EXOC2: variants seen among roughly 807,000 people sequenced by gnomAD.
The protein encoded by EXOC2 is SEC5-like 1.
EXOC2 carries 70 observed loss-of-function variants against 131.8 expected under a neutral mutation model. The observed-to-expected ratio is 0.53, with a 90% CI of 0.44 to 0.65. The LOEUF (loss-of-function observed/expected upper bound fraction) is 0.65. Ranked by LOEUF, EXOC2 falls within the 30% of genes least tolerant of loss-of-function variation. EXOC2 has a pLI of 0.00. For synonymous variants in EXOC2, 411 were observed against 398.4 expected (o/e 1.03, Z -0.38); for missense variants, 923 against 1,108.6 (o/e 0.83, Z 2.38).
chr6:501,129 T>C lies in EXOC2; in HGVS notation c.2381-1429A>G, dbSNP rs1280573553. Among the ~76,000 whole-genome samples the C allele has an allele frequency of 1.7e-4, 7 of 41,626 alleles. No homozygotes were observed. The South Asian group carries it at 1.8e-3, about 11-fold the overall frequency. The allele number at this position is 41,626 out of a possible 152,430, so 27.3% of individuals were successfully genotyped here. On this transcript the variant is annotated intron_variant, in intron 23 of 27. Coordinates refer to ENST00000230449, the MANE Select transcript of EXOC2 (RefSeq NM_018303.6). ...ATATATTATATATATCTATATATAT[T>C]ATATATATCTATATATATTATATAT...
At chr6:650,769 G>C (rs1164577055) in intron 1 of EXOC2, among the ~76,000 whole-genome samples, 1 of 152,072 alleles carries the variant, frequency 6.6e-6, no homozygotes, top group East Asian at 1.9e-4. Context: ...CAAACTATTA[G>C]ATTTTTCATT....
At chr6:493,620 C>G (rs1314435561) in intron 25 of EXOC2, among the ~76,000 whole-genome samples, 1 of 152,220 alleles carries the variant, frequency 6.6e-6, no homozygotes, top group African/African-American at 2.4e-5. Flanking sequence ...CCCCTTTTCA[C>G]CAAGCTCTCA....
intron 4 of EXOC2, among the ~76,000 whole-genome samples, chr6:621,940 A>T (rs1412588727): frequency 6.6e-6 from 1 of 151,862 alleles, no homozygotes; most frequent in Non-Finnish European, 1.5e-5. Flanking sequence ...GCTTTGGGGG[A>T]ATATAGAGAC....
chr6:489,615 T>C (rs1261097255), intron 26 of EXOC2, among the ~76,000 whole-genome samples: 2 of 152,200 alleles, frequency 1.3e-5, no homozygotes, highest in African/African-American at 4.8e-5. Flanking sequence ...CTGTGGGATG[T>C]TTAGCTTTTA....
chr6:495,433 TTATAAA>T (rs1031135829), intron 25 of EXOC2, among the ~76,000 whole-genome samples: 12 of 151,636 alleles, frequency 7.9e-5, no homozygotes, highest in African/African-American at 2.7e-4. Flanking sequence ...CTGAACATTC[TTATAAA>T]TATGTTTTGT....
chr6:623,387 T>C (rs1761393249), intron 4 of EXOC2, among the ~76,000 whole-genome samples: 1 of 152,170 alleles, frequency 6.6e-6, no homozygotes, highest in Non-Finnish European at 1.5e-5. Flanking sequence ...ACGGAGCTGA[T>C]TATTCTGAGA....
chr6:684,200 G>A (rs868321597), intron 1 of EXOC2, among the ~76,000 whole-genome samples: 11 of 152,104 alleles, frequency 7.2e-5, no homozygotes, highest in Admixed American at 3.9e-4. Context: ...AGACAGGACC[G>A]CAGGAAGAGG....
intron 3 of EXOC2, 59 bp from the exon 4 acceptor site, chr6:630,020 G>A (rs916869117): frequency 1.5e-5 from 24 of 1,588,002 alleles, no homozygotes; most frequent in African/African-American, 9.5e-5. Flanking sequence ...CACCTTCTAC[G>A]TCTGGCCTAT....
intron 25 of EXOC2, among the ~76,000 whole-genome samples, chr6:495,054 AT>A (rs11335528): frequency 0.59 from 83,609 of 141,460 alleles, 25,909 homozygotes; most frequent in East Asian, 0.73. Flanking sequence ...AATTAAAACA[AT>A]TTTTTTTTTT....
At chr6:642,224 A>T (rs1762388374) in intron 1 of EXOC2, among the ~76,000 whole-genome samples, 1 of 152,214 alleles carries the variant, frequency 6.6e-6, no homozygotes, top group Admixed American at 6.5e-5. Flanking sequence ...CCCTCCTTCT[A>T]TTAAACTTCT....
At chr6:525,782 AAT>A (rs1197018205) in intron 23 of EXOC2, among the ~76,000 whole-genome samples, 2 of 152,200 alleles carry the variant, frequency 1.3e-5, no homozygotes, top group African/African-American at 4.8e-5. Context: ...GTACATATGA[AAT>A]AGATACATTG....
At chr6:505,425 T>A (rs535279314) in intron 23 of EXOC2, among the ~76,000 whole-genome samples, 6 of 152,214 alleles carry the variant, frequency 3.9e-5, no homozygotes, top group Non-Finnish European at 7.3e-5. Context: ...CAGACACTCA[T>A]TACTGAGTAG....
intron 26 of EXOC2, among the ~76,000 whole-genome samples, chr6:490,874 CT>C (rs1424663781): frequency 6.6e-6 from 1 of 152,180 alleles, no homozygotes; most frequent in Non-Finnish European, 1.5e-5. Flanking sequence ...AGTTCTTATC[CT>C]CTTTTGCTTT....
intron 23 of EXOC2, among the ~76,000 whole-genome samples, chr6:511,216 C>T (rs373694001): frequency 7.8e-4 from 119 of 152,284 alleles, no homozygotes; most frequent in African/African-American, 2.5e-3. Flanking sequence ...TGCTGCTGAG[C>T]GGGTCCCGCA....
chr6:649,497 A>C (rs1762737050), intron 1 of EXOC2, among the ~76,000 whole-genome samples: 1 of 151,520 alleles, frequency 6.6e-6, no homozygotes, highest in Admixed American at 6.6e-5. Context: ...CCATTACCAA[A>C]GAGAATTACT....
chr6:581,750 C>T (rs1758917918), intron 11 of EXOC2, among the ~76,000 whole-genome samples: 1 of 150,358 alleles, frequency 6.7e-6, no homozygotes, highest in Admixed American at 6.6e-5. Context: ...AAAAAAAAAT[C>T]CTTTAACCAC....
At chr6:486,925 A>AAT (rs1763098743) in intron 27 of EXOC2, among the ~76,000 whole-genome samples, 161 bp from the exon 28 acceptor site, 1 of 4,228 alleles carries the variant, frequency 2.4e-4, no homozygotes, top group Admixed American at 5.9e-3. Flanking sequence ...CAAAAGAAAC[A>AAT]CATCAAAGAA....
intron 25 of EXOC2, 127 bp downstream of exon 25, chr6:497,240 T>A: frequency 1.2e-6 from 1 of 801,130 alleles, no homozygotes; most frequent in South Asian, 1.9e-5. Context: ...CAAGAAAGAA[T>A]ATGAACTTCT....
chr6:562,397 G>A (rs1388555172), intron 17 of EXOC2, among the ~76,000 whole-genome samples: 1 of 152,242 alleles, frequency 6.6e-6, no homozygotes, highest in East Asian at 1.9e-4. Context: ...ATCTGCAGTG[G>A]TCTGTGGTGG....
Sources: allele counts gnomAD v4.1 joint callset (sites outside exome capture counted in the v4.1 genomes callset), GRCh38; gene constraint gnomAD v4.1.1; transcripts MANE v1.5; gene names NCBI Gene and HGNC (gene_info 2026-07-23, HGNC 2026-07-21).